TENM3: variants seen among roughly 807,000 people sequenced by gnomAD.
The protein encoded by TENM3 is teneurin-3.
A neutral mutation model predicts 255.1 loss-of-function variants in TENM3; 63 were observed. That is an observed-to-expected ratio of 0.25 (90% CI 0.20 to 0.30). TENM3 has a LOEUF of 0.30. TENM3 is among the 10% of genes least tolerant of loss of function. The pLI is 1.00. For missense variants in TENM3, 2,929 were observed against 3,461.1 expected, an observed-to-expected ratio of 0.85 and a Z score of 3.86; for synonymous variants, 1,306 against 1,322.3, an observed-to-expected ratio of 0.99 and a Z score of 0.27.
chr4:182,007,232 G>A, the TENM3 span, among the ~76,000 whole-genome samples: 636 of 152,218 alleles, frequency 4.2e-3, 5 homozygotes, highest in African/African-American at 0.014. Flanking sequence ...TTCTGTAGAC[G>A]TCTACTAGGT....
At position 182,414,777 on chromosome 4, in the gene TENM3, A is replaced by G. The variant is rs547834750; in HGVS notation, c.511+67848A>G. Among the ~76,000 whole-genome samples, 3 of 152,366 alleles carry G rather than the reference A, an allele frequency of 2.0e-5. No homozygotes were observed. The South Asian group carries it at 6.2e-4, about 32-fold the overall frequency. On this transcript the variant is annotated intron_variant, in intron 3 of 27. Transcript: ENST00000511685. ...TTAAAAGCTTTGCTGTTTAAATAAT[A>G]TATGAAATATTCAAAAATCTCTCAC...
intron 1 of TENM3, among the ~76,000 whole-genome samples, chr4:182,319,230 G>A (rs1762908641): frequency 6.6e-6 from 1 of 152,136 alleles, no homozygotes; most frequent in Admixed American, 6.5e-5. Flanking sequence ...TCCTTGTGTA[G>A]GACTGTGCAG....
chr4:181,473,010 C>T, the TENM3 span, among the ~76,000 whole-genome samples: 1 of 152,176 alleles, frequency 6.6e-6, no homozygotes, highest in Non-Finnish European at 1.5e-5. Flanking sequence ...CTTAATCCTG[C>T]TTGTAATTGA....
At chr4:181,992,290 C>T in the TENM3 span, among the ~76,000 whole-genome samples, 3 of 151,968 alleles carry the variant, frequency 2.0e-5, no homozygotes, top group South Asian at 2.1e-4. Context: ...TAAATGAACA[C>T]GAAAACAAAT....
chr4:182,479,395 C>T (rs1486966909), intron 3 of TENM3, among the ~76,000 whole-genome samples: 4 of 151,466 alleles, frequency 2.6e-5, no homozygotes, highest in Non-Finnish European at 4.4e-5. Flanking sequence ...ATGAATTTGA[C>T]GATTATAAAT....
intron 2 of TENM3, among the ~76,000 whole-genome samples, chr4:182,328,742 C>G (rs2150535275): frequency 6.6e-6 from 1 of 152,214 alleles, no homozygotes. Context: ...TTCATTCTTA[C>G]CATCATCAGT....
chr4:182,001,390 G>T, the TENM3 span, among the ~76,000 whole-genome samples: 1 of 152,062 alleles, frequency 6.6e-6, no homozygotes, highest in African/African-American at 2.4e-5. Context: ...CATAAATGCT[G>T]AATGTGGGTG....
the TENM3 span, among the ~76,000 whole-genome samples, chr4:181,651,355 T>G: frequency 6.6e-6 from 1 of 152,254 alleles, no homozygotes; most frequent in African/African-American, 2.4e-5. Flanking sequence ...ATCCCAACAC[T>G]TTGAGAGGCC....
At chr4:182,677,371 C>G (rs771806438) in intron 7 of TENM3, among the ~76,000 whole-genome samples, 3 of 152,136 alleles carry the variant, frequency 2.0e-5, no homozygotes, top group Non-Finnish European at 4.4e-5. Flanking sequence ...CCTTGAAAGA[C>G]CAGCTAAAAC....
At chr4:181,893,488 CCCA>C in the TENM3 span, among the ~76,000 whole-genome samples, 4,248 of 13,094 alleles carry the variant, frequency 0.32, 179 homozygotes, top group South Asian at 0.4. Context: ...CTTTCCCCTG[CCCA>C]CCCCCCCCCC....
the TENM3 span, among the ~76,000 whole-genome samples, chr4:181,756,965 T>C: frequency 6.6e-6 from 1 of 152,192 alleles, no homozygotes; most frequent in Non-Finnish European, 1.5e-5. Flanking sequence ...TATTTTGTGT[T>C]GGTGGCGATC....
chr4:182,454,606 G>A (rs1773724446), intron 3 of TENM3, among the ~76,000 whole-genome samples: 1 of 152,196 alleles, frequency 6.6e-6, no homozygotes, highest in South Asian at 2.1e-4. Context: ...ATGTTTACTT[G>A]AAAGTTATTC....
chr4:181,912,966 G>A, the TENM3 span, among the ~76,000 whole-genome samples: 2 of 152,186 alleles, frequency 1.3e-5, no homozygotes, highest in Non-Finnish European at 2.9e-5. Context: ...GAAATATCCA[G>A]CAGACCTTTG....
intron 3 of TENM3, among the ~76,000 whole-genome samples, chr4:182,595,204 A>G (rs527968481): frequency 7.9e-5 from 12 of 152,156 alleles, no homozygotes; most frequent in Non-Finnish European, 1.5e-4. Context: ...ATGCTGATTC[A>G]TAATAACAGA....
intron 5 of TENM3, among the ~76,000 whole-genome samples, chr4:182,648,732 C>A (rs931951502): frequency 6.6e-5 from 10 of 152,216 alleles, no homozygotes; most frequent in African/African-American, 2.2e-4. Context: ...CCTGTTCCTT[C>A]CTTCCTAGAG....
At chr4:181,782,640 A>T in the TENM3 span, among the ~76,000 whole-genome samples, 194 of 151,856 alleles carry the variant, frequency 1.3e-3, 2 homozygotes, top group African/African-American at 4.4e-3. Flanking sequence ...CTCTGATCTT[A>T]GTTATTTCTT....
chr4:182,721,826 C>G (rs1034235296), intron 13 of TENM3, among the ~76,000 whole-genome samples: 1 of 152,078 alleles, frequency 6.6e-6, no homozygotes, highest in African/African-American at 2.4e-5. Context: ...TTCCTAATTA[C>G]TAGTTAGATT....
the TENM3 span, among the ~76,000 whole-genome samples, chr4:181,694,632 G>T: frequency 6.6e-6 from 1 of 152,268 alleles, no homozygotes; most frequent in Middle Eastern, 3.4e-3. Context: ...GTAAGAACCA[G>T]TTGTTTATGA....
chr4:182,354,151 A>G lies in TENM3; in HGVS notation c.511+7222A>G, dbSNP rs530112954. On this transcript the variant is annotated intron_variant, in intron 3 of 27. Transcript: ENST00000511685. ...AGCTTGGCAGTTTGCTATGCTTCAC[A>G]TGGAAATTGCCATTTCTATTAAGCT... Among the ~76,000 whole-genome samples the G allele has an allele frequency of 5.2e-4, 79 of 152,282 alleles. 1 individual carries two copies. The South Asian group carries it at 0.016, about 31-fold the overall frequency.
Sources: gnomAD v4.1 joint callset for allele counts (sites outside exome capture counted in the v4.1 genomes callset) on GRCh38, gnomAD v4.1.1 for gene constraint, MANE v1.5 for transcripts, NCBI Gene and HGNC (gene_info 2026-07-23, HGNC 2026-07-21) for gene names.